Variants in ESD observed in about 807,000 individuals in gnomAD.
The protein encoded by ESD is S-formylglutathione hydrolase.
ESD carries 34 observed loss-of-function variants against 38.1 expected under a neutral mutation model. The ratio of observed to expected loss-of-function variants is 0.89; its 90% CI spans 0.68 to 1.19. The LOEUF is 1.19. ESD is among the 50% of genes most tolerant of loss of function. The probability of loss-of-function intolerance (pLI) is 0.00; values close to 1 mark genes in which losing one functional copy is unlikely to be tolerated. For synonymous variants in ESD, 97 were observed against 107.0 expected, an observed-to-expected ratio of 0.91 and a Z score of 0.58; for missense variants, 334 against 327.2, an observed-to-expected ratio of 1.02 and a Z score of -0.16.
At chr13:46,784,093 G>A (rs1299650066) in intron 5 of ESD, among the ~76,000 whole-genome samples, 159 bp downstream of exon 5, 1 of 151,932 alleles carries the variant, frequency 6.6e-6, no homozygotes, top group African/African-American at 2.4e-5. Context: ...TGAGGAAAAT[G>A]TACAGCATGG....
intron 3 of ESD, among the ~76,000 whole-genome samples, 180 bp from the exon 4 acceptor site, chr13:46,787,289 G>T (rs1220782234): frequency 2.6e-5 from 4 of 151,968 alleles, no homozygotes; most frequent in Non-Finnish European, 5.9e-5. Flanking sequence ...CTTAAAGAAA[G>T]AATGTGGTCA....
intron 2 of ESD, among the ~76,000 whole-genome samples, chr13:46,792,895 C>T (rs942743472): frequency 1.3e-5 from 2 of 151,886 alleles, no homozygotes; most frequent in African/African-American, 2.4e-5. Flanking sequence ...CACAAGGAAA[C>T]CAGATTTTCT....
chr13:46,784,627 G>C (rs1474675458), intron 4 of ESD, among the ~76,000 whole-genome samples: 1 of 151,764 alleles, frequency 6.6e-6, no homozygotes, highest in Non-Finnish European at 1.5e-5. Context: ...TATTGTGAAT[G>C]GTTTATAAGC....
chr13:46,785,001 A>T (rs972796419), intron 4 of ESD, among the ~76,000 whole-genome samples: 6 of 152,078 alleles, frequency 3.9e-5, no homozygotes, highest in Non-Finnish European at 5.9e-5. Context: ...ATAAGCAAAT[A>T]CTATGGTCTT....
intron 5 of ESD, among the ~76,000 whole-genome samples, chr13:46,782,995 A>G (rs983089876): frequency 6.6e-6 from 1 of 151,944 alleles, no homozygotes; most frequent in Non-Finnish European, 1.5e-5. Flanking sequence ...CGTTCTGGCC[A>G]ATGAGGTAAA....
At chr13:46,788,083 T>A (rs1177458318) in intron 3 of ESD, among the ~76,000 whole-genome samples, 2 of 152,054 alleles carry the variant, frequency 1.3e-5, no homozygotes, top group Admixed American at 6.6e-5. Context: ...TTAATCAATA[T>A]TAAGAAGTTA....
At chr13:46,788,325 CTTG>C (rs1490392526) in intron 3 of ESD, among the ~76,000 whole-genome samples, 3 of 152,056 alleles carry the variant, frequency 2.0e-5, no homozygotes, top group African/African-American at 7.2e-5. Context: ...AGCAACTTTT[CTTG>C]TTGATGACTG....
rs777535196 is a variant in ESD, at chr13:46,791,387, G to A, written c.27C>T (p.Asn9=). 4 of 1,612,876 alleles carry A rather than the reference G, an allele frequency of 2.5e-6. No individual in the cohort carries two copies. In the African/African-American group the frequency reaches 5.3e-5, roughly 22 times the overall value. The change falls in exon 3 of 10, where the codon AAC becomes AAT. Residue 9 remains asparagine (N), a synonymous_variant. Transcript: ENST00000378720. ...CTTTCTGCAATCCCCCAAAGCACTT[G>A]TTGCTGGAAATCTGCTTCAATGCCA... MALKQISS[N]KCFGGLQKVF... is the part of the protein sequence containing the mutation.
At chr13:46,778,703 C>T (rs142287117) in intron 8 of ESD, among the ~76,000 whole-genome samples, 102 of 151,878 alleles carry the variant, frequency 6.7e-4, no homozygotes, top group Admixed American at 1.3e-3. Flanking sequence ...ATAGACTTTG[C>T]ACCAGATGAA....
At chr13:46,781,100 C>T (rs1874981311) in intron 7 of ESD, among the ~76,000 whole-genome samples, 1 of 151,582 alleles carries the variant, frequency 6.6e-6, no homozygotes. Context: ...TATCTTTTAC[C>T]TCAGAAAATC....
At chr13:46,791,252 G>A (rs1044510750) in intron 3 of ESD, 94 bp downstream of exon 3, 6 of 842,464 alleles carry the variant, frequency 7.1e-6, no homozygotes, top group Non-Finnish European at 1.1e-5. Context: ...AGTAAAATGA[G>A]GTACTATAAT....
In ESD at chr13:46,777,485, T is replaced by C. The variant is rs1394596079; in HGVS notation, c.739A>G (p.Lys247Glu). The C allele has an allele frequency of 1.2e-6, 2 of 1,606,568 alleles. No individual in the cohort carries two copies. The highest frequency in any genetic ancestry group is 2.2e-5 in the East Asian group (1 of 44,750). The change falls in exon 9 of 10, where the codon AAA becomes GAA. Residue 247 changes from lysine (K) to glutamate (E), a missense_variant. By Grantham distance (56) the Lys-to-Glu change is moderately conservative. Transcript: ENST00000378720. ...DNFIAACTEK[K>E]IPVVFRLQEG... ...TGCAATCGAAAAACAACGGGGATTT[T>C]CTTTTCTGTACAGGCAGCTATGAAG...
chr13:46,787,413 G>A (rs1321035848), intron 3 of ESD, among the ~76,000 whole-genome samples: 1 of 151,892 alleles, frequency 6.6e-6, no homozygotes, highest in Admixed American at 6.6e-5. Context: ...TTAAAAAATA[G>A]TTTTTGTTTC....
chr13:46,782,137 C>T (rs1034760193), intron 6 of ESD, among the ~76,000 whole-genome samples: 6 of 151,478 alleles, frequency 4.0e-5, no homozygotes, highest in South Asian at 2.1e-4. Context: ...TTTAGAATTA[C>T]GTGAAAACTA....
chr13:46,771,626 G>T, intron 9 of ESD, 130 bp from the exon 10 acceptor site: 2 of 507,392 alleles, frequency 3.9e-6, no homozygotes, highest in Non-Finnish European at 6.9e-6. Flanking sequence ...GTATGAGGAA[G>T]GTTTATAATA....
At chr13:46,775,649 G>GAATCTC (rs1566277148) in intron 9 of ESD, 1 of 470,610 alleles carries the variant, frequency 2.1e-6, no homozygotes. Context: ...GAATCTCAAC[G>GAATCTC]AAATCCGCTT....
intron 7 of ESD, among the ~76,000 whole-genome samples, chr13:46,780,472 A>G (rs2138290332): frequency 6.6e-6 from 1 of 151,848 alleles, no homozygotes; most frequent in South Asian, 2.1e-4. Flanking sequence ...ATATGACAGA[A>G]TTTTTAATAC....
At chr13:46,784,164 G>T in intron 5 of ESD, 88 bp downstream of exon 5, 1 of 986,908 alleles carries the variant, frequency 1.0e-6, no homozygotes, top group East Asian at 2.7e-5. Flanking sequence ...AATATAAAAT[G>T]AATTGTATAA....
Position 46,771,408 on chromosome 13 carries a change from G to T in ESD, c.*8C>A. The T allele has an allele frequency of 1.3e-6, 2 of 1,570,440 alleles. No homozygotes were observed. Among genetic ancestry groups the T allele is most frequent in the South Asian group, 1.1e-5 (1 of 88,338 alleles). On this transcript the variant is annotated 3_prime_UTR_variant, in exon 10 of 10. Transcript: ENST00000378720. Reference sequence around the variant, plus strand: ...AATCCTGAAGAGATTCTCTTATTTGGAGTTTTTTCATGCATTCAGGTATTT... The same window carrying T: ...AATCCTGAAGAGATTCTCTTATTTGTAGTTTTTTCATGCATTCAGGTATTT...
Sources: allele counts gnomAD v4.1 joint callset (sites outside exome capture counted in the v4.1 genomes callset), GRCh38; gene constraint gnomAD v4.1.1; transcripts MANE v1.5; gene names NCBI Gene and HGNC (gene_info 2026-07-23, HGNC 2026-07-21).